ASIC2: variants seen among roughly 807,000 people sequenced by gnomAD.
The protein encoded by ASIC2 is acid-sensing ion channel 2.
A neutral mutation model predicts 57.3 loss-of-function variants in ASIC2; 25 were observed. The ratio of observed to expected loss-of-function variants is 0.44; its 90% CI spans 0.32 to 0.61. ASIC2 has a LOEUF of 0.61. Ranked by LOEUF, ASIC2 falls within the 20% of genes least tolerant of loss-of-function variation. The pLI, the probability that ASIC2 is intolerant of heterozygous loss-of-function variation, is 0.06. For missense variants in ASIC2, 641 were observed against 738.1 expected (o/e 0.87, Z 1.52); for synonymous variants, 319 against 307.5 (o/e 1.04, Z -0.39).
intron 1 of ASIC2, among the ~76,000 whole-genome samples, chr17:33,528,197 G>C (rs1002647588): frequency 1.0e-4 from 2 of 19,646 alleles, no homozygotes. Flanking sequence ...GTTTCCAGCT[G>C]TGATCCTATA....
intron 1 of ASIC2, among the ~76,000 whole-genome samples, chr17:33,329,008 G>T (rs1464740289): frequency 6.6e-6 from 1 of 152,174 alleles, no homozygotes; most frequent in Non-Finnish European, 1.5e-5. Flanking sequence ...AACCTTGGCT[G>T]ACTGACTAAA....
At chr17:33,514,953 C>T (rs918386681) in intron 1 of ASIC2, among the ~76,000 whole-genome samples, 3 of 152,218 alleles carry the variant, frequency 2.0e-5, no homozygotes, top group Non-Finnish European at 2.9e-5. Flanking sequence ...TCTTTCTCAC[C>T]TCCTGCCAAA....
At chr17:33,512,545 G>A (rs922590288) in intron 1 of ASIC2, among the ~76,000 whole-genome samples, 1 of 152,300 alleles carries the variant, frequency 6.6e-6, no homozygotes, top group East Asian at 1.9e-4. Context: ...AAAATAAAAG[G>A]AGAATAAGAA....
chr17:33,743,040 C>T (rs764924558), intron 1 of ASIC2, among the ~76,000 whole-genome samples: 3 of 152,206 alleles, frequency 2.0e-5, no homozygotes, highest in Non-Finnish European at 4.4e-5. Context: ...GCCTCCTCTA[C>T]CCTTTATCTT....
At chr17:33,659,625 C>T (rs1025513469) in intron 1 of ASIC2, among the ~76,000 whole-genome samples, 13 of 152,074 alleles carry the variant, frequency 8.5e-5, no homozygotes, top group African/African-American at 2.9e-4. Context: ...AATCCCAGCT[C>T]TTTGGGAGGC....
In ASIC2 at chr17:34,153,834, T is replaced by C. The variant is rs572739695; in HGVS notation, c.555+2144A>G. Among the ~76,000 whole-genome samples, 3 of 152,242 alleles carry C rather than the reference T, an allele frequency of 2.0e-5. No homozygotes were observed. The East Asian group carries it at 5.8e-4, about 29-fold the overall frequency. On this transcript the variant is annotated intron_variant, in intron 1 of 9. Transcript: ENST00000359872. ...AGATAATGACATGCCACTGACAGAG[T>C]AGTAAATATTATCCATAGGCAATTT...
In ASIC2 at chr17:33,766,174, A is replaced by T. The variant is rs1281658387; in HGVS notation, c.555+389804T>A. Reference sequence around the variant, plus strand: ...AGAGAGAGAGAGGCCACATTTACATAACATTTATTGCAGTATATTGTTATA... The same window carrying T: ...AGAGAGAGAGAGGCCACATTTACATTACATTTATTGCAGTATATTGTTATA... On this transcript the variant is annotated intron_variant, in intron 1 of 9. Coordinates refer to the ASIC2 transcript ENST00000359872. Among the ~76,000 whole-genome samples the T allele has an allele frequency of 4.6e-5, 7 of 152,332 alleles. No homozygotes were observed. The East Asian group carries it at 1.3e-3, about 29-fold the overall frequency.
intron 1 of ASIC2, among the ~76,000 whole-genome samples, chr17:33,666,116 CA>C (rs955873808): frequency 5.9e-5 from 9 of 152,132 alleles, no homozygotes; most frequent in African/African-American, 1.9e-4. Context: ...ATTTTCCCCC[CA>C]CATAACCAGA....
intron 1 of ASIC2, among the ~76,000 whole-genome samples, chr17:34,032,491 A>G (rs893329966): frequency 2.0e-5 from 3 of 152,288 alleles, no homozygotes; most frequent in East Asian, 1.9e-4. Context: ...CATTATGACA[A>G]GATCAAATTC....
chr17:33,937,298 C>T (rs572206256), intron 1 of ASIC2, among the ~76,000 whole-genome samples: 5 of 152,260 alleles, frequency 3.3e-5, no homozygotes, highest in East Asian at 1.9e-4. Context: ...GATGGGGTTT[C>T]GCCATGTTGG....
intron 1 of ASIC2, among the ~76,000 whole-genome samples, chr17:33,241,848 G>C (rs17184259): frequency 0.095 from 14,483 of 152,238 alleles, 872 homozygotes; most frequent in Middle Eastern, 0.21. Context: ...GATGCACCTG[G>C]CAATTCTAAG....
At chr17:33,357,670 C>T (rs1460258181) in intron 1 of ASIC2, among the ~76,000 whole-genome samples, 2 of 152,074 alleles carry the variant, frequency 1.3e-5, no homozygotes, top group Non-Finnish European at 2.9e-5. Context: ...TCCTGATGCT[C>T]GATGGAATGT....
intron 1 of ASIC2, among the ~76,000 whole-genome samples, chr17:33,575,446 A>G (rs1387963514): frequency 6.6e-6 from 1 of 152,222 alleles, no homozygotes; most frequent in Non-Finnish European, 1.5e-5. Flanking sequence ...TTTAGGTATA[A>G]ATAATAACAC....
At chr17:33,765,310 G>A (rs566459093) in intron 1 of ASIC2, among the ~76,000 whole-genome samples, 5 of 152,044 alleles carry the variant, frequency 3.3e-5, no homozygotes, top group South Asian at 4.2e-4. Flanking sequence ...GGGTTTCACC[G>A]TATTAGCCAG....
rs368223914 is a variant in ASIC2 at position 33,340,657 on chromosome 17, A to G, written c.556-228590T>C. On this transcript the variant is annotated intron_variant, in intron 1 of 9. Transcript: ENST00000359872. ...TTTGAAGGAGAACTTTGAGTGTATC[A>G]GTGGTTTAGGGAGGGAGGTGCTTAT... Among the ~76,000 whole-genome samples the G allele has an allele frequency of 5.3e-5, 8 of 152,252 alleles. No individual in the cohort carries two copies. The East Asian group carries it at 1.5e-3, about 29-fold the overall frequency.
At chr17:33,230,381 G>A (rs1463222084) in intron 1 of ASIC2, among the ~76,000 whole-genome samples, 1 of 152,206 alleles carries the variant, frequency 6.6e-6, no homozygotes, top group Non-Finnish European at 1.5e-5. Context: ...GAGCTATCCA[G>A]GACAAAAGGA....
At chr17:33,820,413 T>C (rs1912709002) in intron 1 of ASIC2, among the ~76,000 whole-genome samples, 1 of 152,252 alleles carries the variant, frequency 6.6e-6, no homozygotes, top group Admixed American at 6.5e-5. Flanking sequence ...ATTGGTTACA[T>C]GTTGAACTGA....
chr17:33,364,474 G>A (rs1908729499), intron 1 of ASIC2, among the ~76,000 whole-genome samples: 1 of 152,210 alleles, frequency 6.6e-6, no homozygotes, highest in East Asian at 1.9e-4. Context: ...CAGTGTTAGG[G>A]AAGGGACCTG....
intron 1 of ASIC2, among the ~76,000 whole-genome samples, chr17:34,149,086 TTTTTTTC>T (rs1035823703): frequency 6.6e-6 from 1 of 150,818 alleles, no homozygotes. Flanking sequence ...CTTTTCTTTC[TTTTTTTC>T]TTTTTTCTTT....
Sources: gnomAD v4.1 joint callset for allele counts (sites outside exome capture counted in the v4.1 genomes callset) on GRCh38, gnomAD v4.1.1 for gene constraint, MANE v1.5 for transcripts, NCBI Gene and HGNC (gene_info 2026-07-23, HGNC 2026-07-21) for gene names.